Variants in GALK2 observed in about 807,000 individuals in gnomAD.
The protein encoded by GALK2 is galactokinase 2.
Under a neutral mutation model 52.4 loss-of-function variants are expected in GALK2, and 36 were observed. The observed-to-expected ratio is 0.69, with a 90% CI of 0.53 to 0.91. The LOEUF is 0.91. GALK2 is among the 40% of genes least tolerant of loss of function. GALK2 has a pLI of 0.00. For missense variants in GALK2, 579 were observed against 559.1 expected (o/e 1.04, Z -0.36); for synonymous variants, 176 against 199.1 (o/e 0.88, Z 0.98).
intron 5 of GALK2, among the ~76,000 whole-genome samples, chr15:49,273,104 C>T (rs1344616599): frequency 6.6e-6 from 1 of 152,168 alleles, no homozygotes; most frequent in African/African-American, 2.4e-5. Context: ...TTTTGTGATA[C>T]ACACTTTCTG....
At chr15:49,367,553 C>A (rs1360407065) in exon 4 of GALK2, 1 of 1,605,248 alleles carries the variant, frequency 6.2e-7, no homozygotes, top group Admixed American at 1.7e-5. Context: ...TGGACTCTGA[C>A]CTCCAAAATT....
intron 1 of GALK2, among the ~76,000 whole-genome samples, chr15:49,178,070 G>T (rs2085607069): frequency 6.7e-6 from 1 of 149,596 alleles, no homozygotes; most frequent in African/African-American, 2.5e-5. Flanking sequence ...TTGGGAGGCT[G>T]AGGCATGAGA....
chr15:49,273,548 T>A (rs1352681316), intron 5 of GALK2, among the ~76,000 whole-genome samples: 2 of 151,738 alleles, frequency 1.3e-5, no homozygotes, highest in South Asian at 2.1e-4. Flanking sequence ...GAAAAAAAAA[T>A]ATTAGAACAG....
chr15:49,173,359 A>G (rs890097027), intron 1 of GALK2, among the ~76,000 whole-genome samples: 2 of 152,218 alleles, frequency 1.3e-5, no homozygotes, highest in Non-Finnish European at 2.9e-5. Context: ...GCTCTTATGA[A>G]TAATGCTGCT....
At chr15:49,332,968 CT>C (rs199571959), downstream of GALK2, among the ~76,000 whole-genome samples, 3,882 of 152,184 alleles carry the variant, frequency 0.026, 91 homozygotes, top group African/African-American at 0.051. Context: ...GCTGATTGCT[CT>C]TTAGGCTTCA....
intron 5 of GALK2, among the ~76,000 whole-genome samples, chr15:49,267,014 A>G (rs1044633613): frequency 2.0e-5 from 3 of 152,122 alleles, no homozygotes; most frequent in African/African-American, 2.4e-5. Context: ...AAAAACCAGT[A>G]TGGAAGGGAG....
intron 1 of GALK2, among the ~76,000 whole-genome samples, chr15:49,183,321 A>G (rs192632009): frequency 4.6e-5 from 7 of 152,168 alleles, no homozygotes; most frequent in Admixed American, 3.3e-4. Flanking sequence ...TTCTCTTAGC[A>G]TTCCATCACT....
intron 1 of GALK2, among the ~76,000 whole-genome samples, chr15:49,183,655 C>G (rs1247228105): frequency 6.6e-6 from 1 of 152,030 alleles, no homozygotes; most frequent in Non-Finnish European, 1.5e-5. Flanking sequence ...ACCAGCCTGA[C>G]CAACGTGGAG....
At chr15:49,231,850 G>A (rs997651621) in intron 3 of GALK2, among the ~76,000 whole-genome samples, 2 of 152,240 alleles carry the variant, frequency 1.3e-5, no homozygotes, top group African/African-American at 2.4e-5. Flanking sequence ...AGGTTGGGAA[G>A]CTGCACCTCT....
chr15:49,311,192 A>G (rs192718665), intron 8 of GALK2, among the ~76,000 whole-genome samples: 3 of 152,300 alleles, frequency 2.0e-5, no homozygotes, highest in Middle Eastern at 3.4e-3. Flanking sequence ...GGATTCAACA[A>G]TAGCTTTATG....
At chr15:49,292,888 T>C (rs1031844823) in intron 8 of GALK2, among the ~76,000 whole-genome samples, 3 of 152,176 alleles carry the variant, frequency 2.0e-5, no homozygotes, top group Admixed American at 6.5e-5. Flanking sequence ...TGTGAAACAA[T>C]ACTCGGAACA....
At position 49,310,423 on chromosome 15, in the gene GALK2, T is replaced by A. The variant is rs1313872424; in HGVS notation, c.968-9181T>A. On this transcript the variant is annotated intron_variant, in intron 8 of 9. Coordinates refer to ENST00000560031, the MANE Select transcript of GALK2 (RefSeq NM_002044.4). ...ACCCAGTAATGAGATTGATGAATCA[T>A]ATGGTAGTTCTATTTTTAGTTTTTT... 2.6e-5 allele frequency among the ~76,000 whole-genome samples: 4 copies of A among 152,200 alleles called. 1 individual carries two copies. Among genetic ancestry groups the A allele is most frequent in the African/African-American group, 9.6e-5 (4 of 41,456 alleles).
intron 8 of GALK2, among the ~76,000 whole-genome samples, chr15:49,313,357 G>A (rs970628581): frequency 6.6e-6 from 1 of 152,204 alleles, no homozygotes; most frequent in Non-Finnish European, 1.5e-5. Context: ...TCAGATGTGA[G>A]GATAGCTTTC....
At position 49,236,010 on chromosome 15, in the gene GALK2, T is replaced by C. The variant is rs2090781138; in HGVS notation, c.357+69T>C. 1.9e-5 allele frequency: 18 copies of C among 934,444 alleles called. 1 individual carries two copies. In the South Asian group the frequency reaches 2.4e-4, roughly 13 times the overall value. The allele number at this position is 934,444 out of a possible 1,614,324, so 57.9% of individuals were successfully genotyped here. A position where few individuals can be genotyped will look rare whatever the true frequency, so the allele number is the denominator to read the frequency against. On this transcript the variant is annotated intron_variant, in intron 4 of 9. Coordinates refer to ENST00000560031, the MANE Select transcript of GALK2 (RefSeq NM_002044.4). Reference sequence around the variant, plus strand: ...TGTGTATTCTGTCAGATTTATTTTATTTACTACATCTTTTTCATCTCCTTA... The same window carrying C: ...TGTGTATTCTGTCAGATTTATTTTACTTACTACATCTTTTTCATCTCCTTA...
intron 4 of GALK2, among the ~76,000 whole-genome samples, chr15:49,238,012 C>A (rs1005857239): frequency 6.6e-6 from 1 of 151,878 alleles, no homozygotes. Context: ...TATTGTGGTG[C>A]GAGAATTTTG....
chr15:49,294,479 T>C (rs2034272539), intron 8 of GALK2, among the ~76,000 whole-genome samples: 1 of 152,162 alleles, frequency 6.6e-6, no homozygotes, highest in Non-Finnish European at 1.5e-5. Flanking sequence ...GTGTGTGTTG[T>C]ATAGGTAATG....
chr15:49,261,195 A>G (rs2092092893), intron 5 of GALK2, among the ~76,000 whole-genome samples: 1 of 148,944 alleles, frequency 6.7e-6, no homozygotes, highest in East Asian at 1.9e-4. Context: ...CTTCCTACCC[A>G]TGAGCATGGA....
At chr15:49,351,244 G>A (rs2042201769) in intron 3 of GALK2, among the ~76,000 whole-genome samples, 1 of 152,112 alleles carries the variant, frequency 6.6e-6, no homozygotes, top group Non-Finnish European at 1.5e-5. Flanking sequence ...AGTTTCAAAT[G>A]TCTTCCACAC....
At position 49,319,710 on chromosome 15, in the gene GALK2, G is replaced by C. The variant is rs757721106; in HGVS notation, c.1074G>C (p.Gln358His). 4.3e-6 allele frequency: 7 copies of C among 1,614,138 alleles called. No individual in the cohort carries two copies. The South Asian group carries it at 7.7e-5, about 18-fold the overall frequency. ...AAGAAGCACCTGAAAACATGGTCCA[G>C]CTGCTGGGAGAGTTGATGAACCAGA... is the stretch of plus-strand genomic sequence containing the variant. The part of the protein sequence containing the change: ...ICEEAPENMV[Q>H]LLGELMNQSH... The change falls in exon 9 of 10, where the codon CAG becomes CAC. Residue 358 changes from glutamine to histidine, a missense_variant. Physicochemically the swap from Gln to His is conservative, Grantham distance 24. Coordinates refer to ENST00000560031, the MANE Select transcript of GALK2 (RefSeq NM_002044.4).
Sources: gnomAD v4.1 joint callset for allele counts (sites outside exome capture counted in the v4.1 genomes callset) on GRCh38, gnomAD v4.1.1 for gene constraint, MANE v1.5 for transcripts, NCBI Gene and HGNC (gene_info 2026-07-23, HGNC 2026-07-21) for gene names.